Variants in ELP2 observed in about 807,000 individuals in gnomAD.
ELP2 encodes the protein elongator acetyltransferase complex subunit 2.
A neutral mutation model predicts 119.2 loss-of-function variants in ELP2; 90 were observed. The ratio of observed to expected loss-of-function variants is 0.75; its 90% CI spans 0.64 to 0.90. The LOEUF is 0.90. Ranked by LOEUF, ELP2 falls within the 40% of genes least tolerant of loss-of-function variation. The pLI is 0.00. For synonymous variants in ELP2, 339 were observed against 331.0 expected (o/e 1.02, Z -0.26); for missense variants, 921 against 967.8 (o/e 0.95, Z 0.64).
chr18:36,169,954 T>C, intron 19 of ELP2, 109 bp from the exon 20 acceptor site: 1 of 1,447,240 alleles, frequency 6.9e-7, no homozygotes, highest in Non-Finnish European at 9.6e-7. Context: ...ATGCATTTTT[T>C]AAAATACCAG....
intron 2 of ELP2, among the ~76,000 whole-genome samples, chr18:36,135,634 C>T (rs1038887710): frequency 6.6e-6 from 1 of 152,184 alleles, no homozygotes; most frequent in African/African-American, 2.4e-5. Flanking sequence ...TTTAAAAGAT[C>T]TATTTTGAAG....
intron 11 of ELP2, among the ~76,000 whole-genome samples, chr18:36,148,162 C>T (rs1185533533): frequency 1.3e-5 from 2 of 149,970 alleles, no homozygotes; most frequent in African/African-American, 4.9e-5. Context: ...GGCGCTATCT[C>T]GGCTCACTGC....
chr18:36,140,113 G>A (rs148025013), intron 5 of ELP2, among the ~76,000 whole-genome samples: 4 of 151,930 alleles, frequency 2.6e-5, no homozygotes, highest in African/African-American at 9.7e-5. Flanking sequence ...CAAAGTGCTG[G>A]GATCACAGAT....
chr18:36,132,276 A>C (rs1389653942), intron 1 of ELP2, among the ~76,000 whole-genome samples: 1 of 152,194 alleles, frequency 6.6e-6, no homozygotes, highest in Non-Finnish European at 1.5e-5. Flanking sequence ...CAAATCTTCG[A>C]CGACCATCTG....
At chr18:36,143,764 C>T (rs1178529283) in intron 8 of ELP2, among the ~76,000 whole-genome samples, 1 of 152,052 alleles carries the variant, frequency 6.6e-6, no homozygotes, top group Non-Finnish European at 1.5e-5. Flanking sequence ...TATTTTTCTT[C>T]TAAACCATAT....
At chr18:36,145,513 G>A (rs1300568196) in intron 9 of ELP2, among the ~76,000 whole-genome samples, 1 of 152,130 alleles carries the variant, frequency 6.6e-6, no homozygotes, top group Non-Finnish European at 1.5e-5. Flanking sequence ...GCTAGGTAAG[G>A]CATAGCCTCA....
At chr18:36,138,917 A>G (rs1395778388) in intron 5 of ELP2, 45 bp downstream of exon 5, 6 of 1,369,506 alleles carry the variant, frequency 4.4e-6, no homozygotes, top group South Asian at 2.3e-5. Flanking sequence ...GTATATTTGC[A>G]TACTGTCATA....
rs753969906 is a variant in ELP2 at position 36,145,909 on chromosome 18, A to G, written c.893-39A>G. On this transcript the variant is annotated intron_variant, in intron 9 of 21. Coordinates refer to ENST00000358232, the MANE Select transcript of ELP2 (RefSeq NM_018255.4). ...TTTCTGGTCATCTACAAACATGATG[A>G]TTGTTGATCACCTAAAGGGATTAGG... The G allele has an allele frequency of 7.3e-6, 11 of 1,509,346 alleles. 1 individual carries two copies. The highest frequency in any genetic ancestry group is 3.4e-4 in the Middle Eastern group (2 of 5,854). The allele number at this position is 1,509,346 out of a possible 1,614,324, so 93.5% of individuals were successfully genotyped here. A position where few individuals can be genotyped will look rare whatever the true frequency, so the allele number is the denominator to read the frequency against.
intron 9 of ELP2, 123 bp downstream of exon 9, chr18:36,145,157 A>G: frequency 1.3e-6 from 1 of 775,996 alleles, no homozygotes; most frequent in Non-Finnish European, 2.3e-6. Flanking sequence ...GACATTTTCA[A>G]GTTGACAAAG....
intron 18 of ELP2, 139 bp from the exon 19 acceptor site, chr18:36,166,961 GC>G (rs2090926165): frequency 1.2e-6 from 1 of 852,752 alleles, no homozygotes; most frequent in South Asian, 2.8e-5. Context: ...TGGTTGCCTG[GC>G]TTCAGTCTAT....
chr18:36,147,698 C>G (rs1051423826), intron 11 of ELP2, among the ~76,000 whole-genome samples: 1 of 152,176 alleles, frequency 6.6e-6, no homozygotes, highest in Non-Finnish European at 1.5e-5. Context: ...GCTGGGATTA[C>G]AGGCGTGAGC....
At position 36,176,910 on chromosome 18, in the gene ELP2, AATGAC is replaced by A. The variant is rs1280739031; in HGVS notation, c.*2272_*2276del. The A allele has an allele frequency of 6.6e-6, 1 of 152,186 alleles. No homozygotes were observed. Among genetic ancestry groups the A allele is most frequent in the Non-Finnish European group, 1.5e-5 (1 of 68,036 alleles). The allele number at this position is 152,186 out of a possible 1,614,324, so 9.4% of individuals were successfully genotyped here. A position where few individuals can be genotyped will look rare whatever the true frequency, so the allele number is the denominator to read the frequency against. On this transcript the variant is annotated 3_prime_UTR_variant, in exon 22 of 22. Transcript: ENST00000358232. ...GTGGTGGTGGTTTTATCTTAATTAA[AATGAC>A]ATCACCAACAATGGGCCCTTTCCTG... is the stretch of plus-strand genomic sequence containing the variant.
At chr18:36,174,425 C>A in intron 21 of ELP2, 60 bp from the exon 22 acceptor site, 1 of 1,523,014 alleles carries the variant, frequency 6.6e-7, no homozygotes, top group East Asian at 2.3e-5. Flanking sequence ...TTTTAACTTC[C>A]ATTCATGTTT....
intron 3 of ELP2, 101 bp downstream of exon 3, chr18:36,136,478 C>T (rs2089830343): frequency 3.2e-6 from 3 of 947,582 alleles, no homozygotes; most frequent in Admixed American, 1.7e-5. Context: ...TGCAGTGGTG[C>T]GATCGTGGCT....
intron 17 of ELP2, 81 bp downstream of exon 17, chr18:36,161,085 G>T (rs1227745015): frequency 9.9e-7 from 1 of 1,009,492 alleles, no homozygotes; most frequent in Non-Finnish European, 1.6e-6. Context: ...AATGATTTAG[G>T]CAGAACTCTA....
At chr18:36,132,582 G>C (rs1377310249) in intron 1 of ELP2, among the ~76,000 whole-genome samples, 1 of 152,198 alleles carries the variant, frequency 6.6e-6, no homozygotes, top group Non-Finnish European at 1.5e-5. Flanking sequence ...ATCTTTAATG[G>C]TGTGTGAAGT....
chr18:36,152,906 T>C (rs1169394745), intron 11 of ELP2, among the ~76,000 whole-genome samples: 1 of 152,268 alleles, frequency 6.6e-6, no homozygotes, highest in East Asian at 1.9e-4. Context: ...TCCTTAGCAC[T>C]ACACCCTTTG....
Position 36,156,592 on chromosome 18 carries a change from C to G in ELP2, c.1402C>G (p.Arg468Gly), listed in dbSNP as rs749706917. Residue 468 changes from arginine (R) to glycine (G), a missense_variant, in exon 13 of 22, where the codon CGG becomes GGG. Physicochemically the swap from Arg to Gly is moderately radical, Grantham distance 125. Transcript: ENST00000358232. The part of the protein sequence containing the change: ...EKVLRVFSAP[R>G]NFVENFCAIT... ...AGTTCTTCGGGTTTTTTCTGCACCT[C>G]GGAATTTTGTGGAAAATTTTTGTGC... 4 of 1,613,926 alleles carry G rather than the reference C, an allele frequency of 2.5e-6. No individual in the cohort carries two copies. The highest frequency in any genetic ancestry group is 3.4e-6 in the Non-Finnish European group (4 of 1,180,004).
chr18:36,160,383 T>A (rs2090698674), intron 16 of ELP2, among the ~76,000 whole-genome samples: 1 of 152,054 alleles, frequency 6.6e-6, no homozygotes, highest in Admixed American at 6.6e-5. Flanking sequence ...GAGACCAGCC[T>A]TGACAACATA....
Sources: gnomAD v4.1 joint callset for allele counts (sites outside exome capture counted in the v4.1 genomes callset) on GRCh38, gnomAD v4.1.1 for gene constraint, MANE v1.5 for transcripts, NCBI Gene and HGNC (gene_info 2026-07-23, HGNC 2026-07-21) for gene names.